The following COL4A6 variants were observed in gnomAD, a reference collection of about 807,000 sequenced individuals.
COL4A6 encodes the protein collagen type IV alpha 6 chain, also known as collagen alpha-6(IV) chain.
Under a neutral mutation model 126.7 loss-of-function variants are expected in COL4A6, and 59 were observed. The observed-to-expected ratio is 0.47, with a 90% CI of 0.38 to 0.58. The LOEUF (loss-of-function observed/expected upper bound fraction) is 0.58, where lower values mean the gene tolerates loss of function less well. Ranked by LOEUF, COL4A6 falls within the 20% of genes least tolerant of loss-of-function variation. COL4A6 has a pLI of 0.00. For synonymous variants in COL4A6, 547 were observed against 496.6 expected, an observed-to-expected ratio of 1.10 and a Z score of -1.35; for missense variants, 1,285 against 1,337.3, an observed-to-expected ratio of 0.96 and a Z score of 0.61.
intron 3 of COL4A6, among the ~76,000 whole-genome samples, chrX:108,262,248 T>C (rs776961405): frequency 1.8e-5 from 2 of 111,065 alleles, no homozygotes; most frequent in Non-Finnish European, 3.8e-5. Context: ...ATGTAAGACA[T>C]TGGGGCTAGA....
intron 2 of COL4A6, among the ~76,000 whole-genome samples, chrX:108,408,178 G>A (rs1343546273): frequency 9.0e-6 from 1 of 111,052 alleles, no homozygotes; most frequent in Non-Finnish European, 1.9e-5. Context: ...AAGTGTGGTG[G>A]CACATGGCCT....
chrX:108,315,687 T>C (rs1416044244), intron 2 of COL4A6, among the ~76,000 whole-genome samples: 9 of 111,728 alleles, frequency 8.1e-5, no homozygotes, highest in Non-Finnish European at 1.7e-4. Flanking sequence ...AAAACTTCTA[T>C]TCATTCTTTT....
rs2033745949 is a variant in COL4A6 at position 108,156,620 on chromosome X, C to T, written c.*380G>A. Reference sequence around the variant, plus strand: ...GTTTAAGCCAAATAATGTGTGCTGACCTCTGTACATGAAGAAATGACTGAT... The same window carrying T: ...GTTTAAGCCAAATAATGTGTGCTGATCTCTGTACATGAAGAAATGACTGAT... On this transcript the variant is annotated 3_prime_UTR_variant, in exon 45 of 45. Transcript: ENST00000334504. 4.6e-6 allele frequency: 1 copy of T among 215,672 alleles called. No individual in the cohort carries two copies. Among genetic ancestry groups the T allele is most frequent in the East Asian group, 1.0e-4 (1 of 9,601 alleles). 17.8% of individuals were successfully genotyped at this position (215,672 alleles called of 1,213,427 possible).
chrX:108,165,544 G>C (rs2034103791), intron 37 of COL4A6, 58 bp from the exon 38 acceptor site: 1 of 845,833 alleles, frequency 1.2e-6, no homozygotes, highest in Non-Finnish European at 1.6e-6. Flanking sequence ...AGATGGCCAG[G>C]CTCTTTCAGA....
chrX:108,332,850 A>T (rs1379138198), intron 2 of COL4A6, among the ~76,000 whole-genome samples: 2 of 110,934 alleles, frequency 1.8e-5, no homozygotes, highest in African/African-American at 6.5e-5. Flanking sequence ...ATTAAGTCAC[A>T]TGTGTCTATT....
chrX:108,239,781 C>CTAA (rs1451321419), intron 3 of COL4A6, among the ~76,000 whole-genome samples: 2 of 111,980 alleles, frequency 1.8e-5, no homozygotes, highest in Admixed American at 1.9e-4. Context: ...CTACTTATTA[C>CTAA]TAATAATAAT....
At chrX:108,331,043 A>T (rs1228764784) in intron 2 of COL4A6, among the ~76,000 whole-genome samples, 1 of 111,594 alleles carries the variant, frequency 9.0e-6, no homozygotes, top group African/African-American at 3.3e-5. Flanking sequence ...GGACATCATG[A>T]AATGCCCCGG....
chrX:108,332,940 T>C (rs1039300263), intron 2 of COL4A6, among the ~76,000 whole-genome samples: 6 of 110,307 alleles, frequency 5.4e-5, no homozygotes, highest in African/African-American at 2.0e-4. Flanking sequence ...TTTTTCCTAG[T>C]TTTTTTTTCT....
intron 44 of COL4A6, among the ~76,000 whole-genome samples, 189 bp downstream of exon 44, chrX:108,159,273 C>G (rs990355728): frequency 1.8e-5 from 2 of 112,560 alleles, no homozygotes; most frequent in African/African-American, 6.5e-5. Flanking sequence ...AAACTGCTGT[C>G]TTTCCGCTAC....
At chrX:108,261,344 G>A (rs898698004) in intron 3 of COL4A6, among the ~76,000 whole-genome samples, 3 of 111,618 alleles carry the variant, frequency 2.7e-5, no homozygotes, top group African/African-American at 9.8e-5. Context: ...GAAAGCATAA[G>A]TATTATACCT....
At chrX:108,298,915 G>A (rs1428394597) in intron 3 of COL4A6, among the ~76,000 whole-genome samples, 1 of 110,924 alleles carries the variant, frequency 9.0e-6, no homozygotes, top group African/African-American at 3.3e-5. Flanking sequence ...TCAGGGAGAA[G>A]TTTAAATTTC....
intron 3 of COL4A6, among the ~76,000 whole-genome samples, chrX:108,243,202 G>A (rs1040461615): frequency 1.1e-4 from 12 of 111,720 alleles, no homozygotes; most frequent in African/African-American, 3.6e-4. Context: ...AATCACCTAG[G>A]AGATTTGGGT....
rs745710486 is a variant in COL4A6 at position 108,191,375 on chromosome X, G to T, written c.1321+18C>A. The T allele has an allele frequency of 8.3e-7, 1 of 1,205,634 alleles. No homozygotes were observed. The highest frequency in any genetic ancestry group is 1.8e-5 in the South Asian group (1 of 55,659). ...CACATCTGAATCTTGAGACCAAAAA[G>T]AGAAATGAGTAACTTACTAGGTGGG... On this transcript the variant is annotated intron_variant, in intron 19 of 44. Coordinates refer to ENST00000334504, the MANE Select transcript of COL4A6 (RefSeq NM_033641.4).
chrX:108,203,029 C>T (rs755202668), intron 12 of COL4A6, 48 bp from the exon 13 acceptor site: 19 of 1,058,080 alleles, frequency 1.8e-5, no homozygotes, highest in Admixed American at 1.5e-4. Context: ...AAGCAGTGAA[C>T]GCACAGTAGG....
intron 2 of COL4A6, among the ~76,000 whole-genome samples, chrX:108,427,260 G>C (rs1311175257): frequency 9.0e-6 from 1 of 111,483 alleles, no homozygotes; most frequent in African/African-American, 3.3e-5. Flanking sequence ...CCCCTTCCCT[G>C]TGCTCTGGCT....
intron 23 of COL4A6, among the ~76,000 whole-genome samples, chrX:108,185,818 A>G (rs2034842839): frequency 8.9e-6 from 1 of 112,282 alleles, no homozygotes; most frequent in African/African-American, 3.2e-5. Context: ...TATATAATTT[A>G]AGTAGCAATG....
intron 3 of COL4A6, chrX:108,267,830 G>C (rs780414125): frequency 8.9e-6 from 1 of 112,395 alleles, no homozygotes; most frequent in Non-Finnish European, 1.9e-5. Context: ...TTTCAGTTTT[G>C]TTTTATTTTT....
At chrX:108,401,609 T>C (rs2041090003) in intron 2 of COL4A6, among the ~76,000 whole-genome samples, 1 of 111,175 alleles carries the variant, frequency 9.0e-6, no homozygotes, top group Non-Finnish European at 1.9e-5. Context: ...CTCTTACTTT[T>C]CTTCCTTATT....
Position 108,180,585 on chromosome X carries a change from G to A in COL4A6, c.2061C>T (p.Gly687=), listed in dbSNP as rs752510352. ...KGSRGLPGTP[G]QPGSSGSKGE... is the part of the protein sequence containing the mutation. ...CTTTACTTCCACTTGACCCAGGCTG[G>A]CCTGGGGTCCCAGGGAGGCCTCGAG... is the stretch of plus-strand genomic sequence containing the variant. The change falls in exon 25 of 45, where the codon GGC becomes GGT. Residue 687 remains glycine, a synonymous_variant. Coordinates refer to ENST00000334504, the MANE Select transcript of COL4A6 (RefSeq NM_033641.4). 1.7e-6 allele frequency: 2 copies of A among 1,203,331 alleles called. No individual in the cohort carries two copies. Among genetic ancestry groups the A allele is most frequent in the Non-Finnish European group, 2.2e-6 (2 of 893,253 alleles).
Sources: gnomAD v4.1 joint callset for allele counts (sites outside exome capture counted in the v4.1 genomes callset) on GRCh38, gnomAD v4.1.1 for gene constraint, MANE v1.5 for transcripts, NCBI Gene and HGNC (gene_info 2026-07-23, HGNC 2026-07-21) for gene names.